Variants in ANKS1B observed in about 807,000 individuals in gnomAD.
ANKS1B encodes ankyrin repeat and sterile alpha motif domain containing 1B.
Under a neutral mutation model 148.3 loss-of-function variants are expected in ANKS1B, and 36 were observed. The ratio of observed to expected loss-of-function variants is 0.24; its 90% CI spans 0.19 to 0.32. The LOEUF (loss-of-function observed/expected upper bound fraction) is 0.32. Among genes scored for constraint, ANKS1B ranks in the 10% least tolerant of loss-of-function variants. The probability of loss-of-function intolerance (pLI) is 1.00; values close to 1 mark genes in which losing one functional copy is unlikely to be tolerated. For synonymous variants in ANKS1B, 542 were observed against 560.8 expected, an observed-to-expected ratio of 0.97 and a Z score of 0.47; for missense variants, 1,157 against 1,542.6, an observed-to-expected ratio of 0.75 and a Z score of 4.19.
chr12:99,781,307 T>C (rs2064300336), intron 5 of ANKS1B, among the ~76,000 whole-genome samples: 1 of 152,166 alleles, frequency 6.6e-6, no homozygotes, highest in Non-Finnish European at 1.5e-5. Flanking sequence ...CCAATGTTTT[T>C]CATTTTTTTT....
At chr12:98,787,018 A>G (rs1397636185) in intron 22 of ANKS1B, among the ~76,000 whole-genome samples, 3 of 152,216 alleles carry the variant, frequency 2.0e-5, no homozygotes, top group Non-Finnish European at 2.9e-5. Context: ...ATTTTGGCAT[A>G]TAATATCTTC....
chr12:99,679,207 T>G (rs770808389), intron 8 of ANKS1B, among the ~76,000 whole-genome samples: 5 of 152,132 alleles, frequency 3.3e-5, no homozygotes, highest in African/African-American at 7.2e-5. Context: ...AAACAAAAGC[T>G]CTCCTCATCT....
At chr12:99,357,529 A>C (rs969715631) in intron 12 of ANKS1B, among the ~76,000 whole-genome samples, 3 of 152,156 alleles carry the variant, frequency 2.0e-5, no homozygotes, top group Admixed American at 2.0e-4. Flanking sequence ...AATAAGTTTA[A>C]TATACAGAAA....
At chr12:98,952,096 T>A (rs929213142) in intron 17 of ANKS1B, among the ~76,000 whole-genome samples, 1 of 152,256 alleles carries the variant, frequency 6.6e-6, no homozygotes, top group Admixed American at 6.5e-5. Flanking sequence ...GAACTGCATA[T>A]AAACTGCATT....
chr12:99,385,573 A>G (rs1797844594), intron 12 of ANKS1B, among the ~76,000 whole-genome samples: 1 of 152,236 alleles, frequency 6.6e-6, no homozygotes, highest in Admixed American at 6.5e-5. Context: ...TTCAAATTTA[A>G]TATTCCAGTT....
At chr12:99,927,280 G>T (rs1286163395) in intron 1 of ANKS1B, among the ~76,000 whole-genome samples, 1 of 152,092 alleles carries the variant, frequency 6.6e-6, no homozygotes, top group Non-Finnish European at 1.5e-5. Context: ...GGCCTAAACT[G>T]GTTTGAATTA....
At chr12:98,904,413 A>G (rs1188407690) in intron 17 of ANKS1B, among the ~76,000 whole-genome samples, 1 of 152,264 alleles carries the variant, frequency 6.6e-6, no homozygotes, top group Non-Finnish European at 1.5e-5. Context: ...CCAAGGACAC[A>G]TGATAGCTCT....
At chr12:99,642,923 A>T (rs1436675077) in intron 9 of ANKS1B, among the ~76,000 whole-genome samples, 2 of 152,180 alleles carry the variant, frequency 1.3e-5, no homozygotes, top group Non-Finnish European at 2.9e-5. Flanking sequence ...GCAATGTAAC[A>T]TCTTCAAATC....
At chr12:98,777,556 C>T (rs901495918) in intron 24 of ANKS1B, among the ~76,000 whole-genome samples, 40 of 152,154 alleles carry the variant, frequency 2.6e-4, no homozygotes, top group African/African-American at 3.1e-4. Context: ...TCCCCCAGGC[C>T]GAATTCCCTG....
chr12:99,636,494 A>G (rs1326378591), intron 9 of ANKS1B, among the ~76,000 whole-genome samples: 1 of 152,206 alleles, frequency 6.6e-6, no homozygotes, highest in Non-Finnish European at 1.5e-5. Flanking sequence ...TCCATAAGCT[A>G]CATCACTAGT....
intron 1 of ANKS1B, among the ~76,000 whole-genome samples, chr12:99,915,962 T>G (rs1378797005): frequency 6.6e-6 from 1 of 152,230 alleles, no homozygotes; most frequent in East Asian, 1.9e-4. Flanking sequence ...TGTACATTTC[T>G]GTGTCAATAT....
intron 8 of ANKS1B, among the ~76,000 whole-genome samples, chr12:99,666,199 T>C (rs967411369): frequency 3.2e-4 from 49 of 152,356 alleles, no homozygotes; most frequent in African/African-American, 1.1e-3. Context: ...GAATACCACA[T>C]TGATAGACGT....
intron 9 of ANKS1B, among the ~76,000 whole-genome samples, chr12:99,618,693 C>T (rs1360636119): frequency 6.6e-6 from 1 of 151,978 alleles, no homozygotes; most frequent in African/African-American, 2.4e-5. Context: ...TTGGAAATAA[C>T]TTGGGAAGGG....
intron 17 of ANKS1B, among the ~76,000 whole-genome samples, chr12:98,967,893 T>A (rs1300321727): frequency 2.6e-5 from 4 of 152,126 alleles, no homozygotes. Flanking sequence ...AGTACTGATT[T>A]ATTTTCCTAT....
chr12:99,458,634 T>G (rs2095887851), intron 10 of ANKS1B, among the ~76,000 whole-genome samples: 1 of 152,000 alleles, frequency 6.6e-6, no homozygotes, highest in Admixed American at 6.6e-5. Flanking sequence ...TATGAACACT[T>G]TTATGTGCAT....
chr12:99,014,945 G>A (rs1483001078), intron 17 of ANKS1B, among the ~76,000 whole-genome samples: 5 of 152,164 alleles, frequency 3.3e-5, no homozygotes, highest in Admixed American at 2.0e-4. Flanking sequence ...CAGCCATTGT[G>A]GAAGACACTG....
intron 12 of ANKS1B, among the ~76,000 whole-genome samples, chr12:99,324,792 A>AT (rs528584027): frequency 1.8e-3 from 268 of 151,204 alleles, no homozygotes; most frequent in Middle Eastern, 3.4e-3. Context: ...ACTAACCATC[A>AT]TTTTTTTTTC....
intron 17 of ANKS1B, among the ~76,000 whole-genome samples, chr12:98,916,015 C>T (rs2152873706): frequency 6.6e-6 from 1 of 152,282 alleles, no homozygotes; most frequent in South Asian, 2.1e-4. Context: ...TCCTGCCTTC[C>T]TGCTTAACGC....
chr12:98,870,615 AT>A (rs1166638766), intron 17 of ANKS1B, among the ~76,000 whole-genome samples: 2 of 152,212 alleles, frequency 1.3e-5, no homozygotes, highest in East Asian at 3.8e-4. Flanking sequence ...CATCCACTCC[AT>A]CCTCCCCAAT....
Sources: allele counts gnomAD v4.1 joint callset (sites outside exome capture counted in the v4.1 genomes callset), GRCh38; gene constraint gnomAD v4.1.1; transcripts MANE v1.5; gene names NCBI Gene and HGNC (gene_info 2026-07-23, HGNC 2026-07-21).